The following KANTR variants were observed in gnomAD, a reference collection of about 807,000 sequenced individuals.
KANTR encodes KDM5C adjacent transcript.
chrX:53,130,589 A>AT (rs1933349309), downstream of KANTR, among the ~76,000 whole-genome samples: 1 of 112,731 alleles, frequency 8.9e-6, no homozygotes, highest in East Asian at 2.8e-4. Context: ...TATGCACTTC[A>AT]TAGGATTATT....
chrX:53,147,327 T>C (rs782498133), downstream of KANTR, among the ~76,000 whole-genome samples: 1 of 111,156 alleles, frequency 9.0e-6, no homozygotes, highest in African/African-American at 3.3e-5. Flanking sequence ...CCTAGTCTCA[T>C]ATAAAACAGA....
At chrX:53,097,337 T>C (rs189437886) in intron 1 of KANTR, among the ~76,000 whole-genome samples, 6 of 92,153 alleles carry the variant, frequency 6.5e-5, no homozygotes, top group Non-Finnish European at 6.6e-5. Context: ...AACCCTTTTT[T>C]CATTTGTTTT....
At chrX:53,108,525 T>C (rs1370871918) in intron 2 of KANTR, among the ~76,000 whole-genome samples, 1 of 112,042 alleles carries the variant, frequency 8.9e-6, no homozygotes, top group African/African-American at 3.2e-5. Context: ...TTTTGATTGT[T>C]CATTGCTAGT....
downstream of KANTR, among the ~76,000 whole-genome samples, chrX:53,132,436 C>A (rs782533504): frequency 4.5e-5 from 5 of 111,689 alleles, no homozygotes; most frequent in Non-Finnish European, 9.4e-5. Flanking sequence ...AGTGGAAAAC[C>A]CAAAAAGCTA....
chrX:53,103,834 A>C (rs1325660578), intron 2 of KANTR, among the ~76,000 whole-genome samples: 3 of 111,383 alleles, frequency 2.7e-5, no homozygotes, highest in South Asian at 3.7e-4. Flanking sequence ...TCTGTACTAC[A>C]TAAGGTGCTC....
chrX:53,128,626 T>C (rs2146749766), downstream of KANTR, among the ~76,000 whole-genome samples: 1 of 111,839 alleles, frequency 8.9e-6, no homozygotes, highest in South Asian at 3.8e-4. Flanking sequence ...TATAGTGATC[T>C]TATCCAATAA....
intron 2 of KANTR, among the ~76,000 whole-genome samples, chrX:53,104,320 G>T (rs1030288260): frequency 9.1e-6 from 1 of 110,019 alleles, no homozygotes; most frequent in Non-Finnish European, 1.9e-5. Context: ...TCTGTCTCCC[G>T]GGTTCAAGTG....
chrX:53,139,708 C>T (rs1264818421), intron 2 of KANTR, among the ~76,000 whole-genome samples: 1 of 111,451 alleles, frequency 9.0e-6, no homozygotes, highest in African/African-American at 3.3e-5. Context: ...GCCAGTCATC[C>T]TAGCTACTTT....
At chrX:53,097,353 T>TTTTTTG (rs1556811039) in intron 1 of KANTR, among the ~76,000 whole-genome samples, 4 of 82,870 alleles carry the variant, frequency 4.8e-5, no homozygotes, top group Non-Finnish European at 1.0e-4. Context: ...GTTTTAAGTT[T>TTTTTTG]TTTTTTTTTT....
intron 2 of KANTR, among the ~76,000 whole-genome samples, chrX:53,103,041 G>A (rs1405149511): frequency 9.6e-6 from 1 of 103,741 alleles, no homozygotes; most frequent in Non-Finnish European, 2.0e-5. Context: ...CTGGAGTGCA[G>A]TGGTGCGATC....
chrX:53,145,249 C>G (rs1766317375), downstream of KANTR, among the ~76,000 whole-genome samples: 1 of 111,786 alleles, frequency 8.9e-6, no homozygotes, highest in Non-Finnish European at 1.9e-5. Context: ...AATTCCCTTT[C>G]CTAGTCAAAG....
exon 3 of KANTR, chrX:53,124,070 T>G: frequency 3.9e-6 from 1 of 257,001 alleles, no homozygotes; most frequent in Non-Finnish European, 6.9e-6. Context: ...TATTTTTTGT[T>G]TGTTTGTTTG....
chrX:53,138,579 C>T (rs1337531863), intron 2 of KANTR, among the ~76,000 whole-genome samples: 2 of 109,461 alleles, frequency 1.8e-5, no homozygotes, highest in Non-Finnish European at 3.8e-5. Flanking sequence ...GTGGCGCATG[C>T]CTGTAATCCC....
At chrX:53,120,224 CAG>C (rs1165597576) in intron 2 of KANTR, among the ~76,000 whole-genome samples, 1 of 110,202 alleles carries the variant, frequency 9.1e-6, no homozygotes, top group Non-Finnish European at 1.9e-5. Context: ...TTTGTAGAGA[CAG>C]GGTTTCGCCA....
At chrX:53,098,374 C>T (rs1434852963) in intron 1 of KANTR, among the ~76,000 whole-genome samples, 1 of 112,082 alleles carries the variant, frequency 8.9e-6, no homozygotes, top group Non-Finnish European at 1.9e-5. Flanking sequence ...GGTCTTACCT[C>T]GATGTTGATG....
downstream of KANTR, chrX:53,143,405 G>GC: frequency 1.5e-6 from 1 of 677,189 alleles, no homozygotes; most frequent in Non-Finnish European, 2.3e-6. Flanking sequence ...TGGTGGGAGG[G>GC]CATGGCCCTC....
At chrX:53,122,703 G>GT (rs1376875908) in intron 2 of KANTR, among the ~76,000 whole-genome samples, 5 of 111,710 alleles carry the variant, frequency 4.5e-5, no homozygotes, top group Non-Finnish European at 9.4e-5. Context: ...ATAATTATAT[G>GT]TTTTTTCTCC....
chrX:53,111,666 T>C (rs1469552435), intron 2 of KANTR, among the ~76,000 whole-genome samples: 2 of 111,737 alleles, frequency 1.8e-5, no homozygotes, highest in African/African-American at 6.5e-5. Context: ...TGAAAAACTC[T>C]CTTTAGCACA....
At chrX:53,104,283 G>A (rs1205752135) in intron 2 of KANTR, among the ~76,000 whole-genome samples, 3 of 110,629 alleles carry the variant, frequency 2.7e-5, no homozygotes, top group Non-Finnish European at 5.7e-5. Flanking sequence ...CTGGAGTGCA[G>A]TGGTACAATC....
Sources: gnomAD v4.1 joint callset for allele counts (sites outside exome capture counted in the v4.1 genomes callset) on GRCh38, gnomAD v4.1.1 for gene constraint, MANE v1.5 for transcripts, NCBI Gene and HGNC (gene_info 2026-07-23, HGNC 2026-07-21) for gene names.